Variants in PTPRD observed in about 807,000 individuals in gnomAD.
PTPRD encodes protein tyrosine phosphatase receptor type D.
In PTPRD, 34 loss-of-function variants were observed where a neutral mutation model predicts 214.5. The observed-to-expected ratio is 0.16, with a 90% CI of 0.12 to 0.21. The LOEUF is 0.21. Among genes scored for constraint, PTPRD ranks in the 10% least tolerant of loss-of-function variants. The pLI, the probability that PTPRD is intolerant of heterozygous loss-of-function variation, is 1.00. For synonymous variants in PTPRD, 1,128 were observed against 845.7 expected, an observed-to-expected ratio of 1.33 and a Z score of -5.79; for missense variants, 2,545 against 2,398.7, an observed-to-expected ratio of 1.06 and a Z score of -1.27.
rs148274176 is a variant in PTPRD, at chr9:9,772,006, C to T, written c.-367-5155G>A. 2.5e-3 allele frequency among the ~76,000 whole-genome samples: 376 copies of T among 152,168 alleles called. 4 individuals are homozygous for T. The highest frequency in any genetic ancestry group is 8.5e-3 in the African/African-American group (353 of 41,528). On this transcript the variant is annotated intron_variant, in intron 5 of 45. Transcript: ENST00000381196. Reference sequence around the variant, plus strand: ...GAAATTTCAACATATTGGTGTTATGCGCTGAATTGTGTCCCATAAAATTCC... The same window carrying T: ...GAAATTTCAACATATTGGTGTTATGTGCTGAATTGTGTCCCATAAAATTCC...
chr9:10,181,229 G>C (rs1453933368), intron 3 of PTPRD, among the ~76,000 whole-genome samples: 1 of 152,022 alleles, frequency 6.6e-6, no homozygotes, highest in Non-Finnish European at 1.5e-5. Context: ...TTTTATATGA[G>C]CAATTTTCAA....
intron 9 of PTPRD, among the ~76,000 whole-genome samples, chr9:9,235,686 T>C (rs748713992): frequency 3.3e-5 from 5 of 152,164 alleles, no homozygotes; most frequent in African/African-American, 4.8e-5. Context: ...AAAAGCCAGA[T>C]AAAAAAGGTC....
intron 10 of PTPRD, among the ~76,000 whole-genome samples, chr9:9,155,147 C>T (rs538640949): frequency 1.3e-5 from 2 of 152,150 alleles, no homozygotes; most frequent in South Asian, 4.1e-4. Flanking sequence ...TAGGCCTGCT[C>T]TAAGATGCAT....
chr9:9,867,802 T>C (rs906178140), intron 5 of PTPRD, among the ~76,000 whole-genome samples: 2 of 152,076 alleles, frequency 1.3e-5, no homozygotes, highest in Admixed American at 1.3e-4. Context: ...TCCTCCTCCA[T>C]GGTATAAAAG....
chr9:9,511,060 C>T (rs531711524), intron 8 of PTPRD, among the ~76,000 whole-genome samples: 2 of 151,824 alleles, frequency 1.3e-5, no homozygotes, highest in East Asian at 3.9e-4. Context: ...ACAATAGAAT[C>T]TATGAACAAA....
chr9:10,463,214 T>A (rs2098970852), intron 2 of PTPRD, among the ~76,000 whole-genome samples: 1 of 152,126 alleles, frequency 6.6e-6, no homozygotes, highest in African/African-American at 2.4e-5. Context: ...AACTTGTTTC[T>A]GGGTGCTAGG....
intron 3 of PTPRD, among the ~76,000 whole-genome samples, chr9:10,126,567 C>G (rs1321268286): frequency 1.3e-5 from 2 of 152,042 alleles, no homozygotes; most frequent in East Asian, 3.9e-4. Flanking sequence ...TGTTATAACT[C>G]AATAACTAGT....
intron 10 of PTPRD, among the ~76,000 whole-genome samples, chr9:9,033,581 T>C (rs1344765857): frequency 6.6e-6 from 1 of 152,136 alleles, no homozygotes; most frequent in East Asian, 1.9e-4. Flanking sequence ...TGGAAAATAC[T>C]AGAGATAGAT....
chr9:8,964,663 C>G (rs889959146), intron 11 of PTPRD, among the ~76,000 whole-genome samples: 1 of 151,904 alleles, frequency 6.6e-6, no homozygotes, highest in Non-Finnish European at 1.5e-5. Flanking sequence ...AATTTGAGAT[C>G]TCTCTGACTT....
At chr9:8,941,505 G>T (rs1352080566) in intron 11 of PTPRD, among the ~76,000 whole-genome samples, 2 of 152,108 alleles carry the variant, frequency 1.3e-5, no homozygotes, top group Non-Finnish European at 2.9e-5. Flanking sequence ...GTGAGACCTT[G>T]GGTAAGTAAC....
intron 9 of PTPRD, among the ~76,000 whole-genome samples, chr9:9,200,788 T>A (rs2099941380): frequency 6.6e-6 from 1 of 152,200 alleles, no homozygotes; most frequent in African/African-American, 2.4e-5. Flanking sequence ...GGAGTTCCTT[T>A]ATCTTTCTAA....
chr9:9,467,122 T>C (rs1435522764), intron 8 of PTPRD, among the ~76,000 whole-genome samples: 1 of 151,728 alleles, frequency 6.6e-6, no homozygotes, highest in Non-Finnish European at 1.5e-5. Context: ...GTTACTAAGA[T>C]AGAAGAGGAC....
chr9:9,133,576 A>G (rs2099846110), intron 10 of PTPRD, among the ~76,000 whole-genome samples: 1 of 152,186 alleles, frequency 6.6e-6, no homozygotes, highest in African/African-American at 2.4e-5. Context: ...GAGTTGTTAT[A>G]AAAAAACTCA....
intron 12 of PTPRD, among the ~76,000 whole-genome samples, chr9:8,659,764 A>C (rs940093949): frequency 2.0e-5 from 3 of 152,226 alleles, no homozygotes; most frequent in African/African-American, 7.2e-5. Flanking sequence ...GAAGGATTCC[A>C]AATTTAAAAA....
At chr9:9,928,252 C>T (rs2085051107) in intron 5 of PTPRD, among the ~76,000 whole-genome samples, 1 of 152,110 alleles carries the variant, frequency 6.6e-6, no homozygotes, top group Non-Finnish European at 1.5e-5. Flanking sequence ...GAATTAATTT[C>T]CAGATCAATG....
intron 2 of PTPRD, among the ~76,000 whole-genome samples, chr9:10,555,075 C>G (rs2062204541): frequency 2.0e-5 from 3 of 152,188 alleles, no homozygotes; most frequent in Admixed American, 6.5e-5. Context: ...ATTTATTTGA[C>G]TGGTCCAGCT....
chr9:9,853,480 G>A (rs926305515), intron 5 of PTPRD, among the ~76,000 whole-genome samples: 4 of 152,036 alleles, frequency 2.6e-5, no homozygotes, highest in Admixed American at 2.6e-4. Flanking sequence ...ACAGTGATTC[G>A]GTTCTTAGTG....
chr9:8,730,862 G>A (rs1017618448), intron 12 of PTPRD, among the ~76,000 whole-genome samples: 37 of 152,168 alleles, frequency 2.4e-4, no homozygotes, highest in Admixed American at 9.2e-4. Context: ...AGTCGCATAT[G>A]CCCTTCCCTG....
intron 3 of PTPRD, among the ~76,000 whole-genome samples, chr9:10,234,592 G>A (rs1210574005): frequency 1.3e-5 from 2 of 151,134 alleles, no homozygotes; most frequent in African/African-American, 2.4e-5. Context: ...AATTATTCAA[G>A]AAATTCGAGT....
Sources: gnomAD v4.1 joint callset for allele counts (sites outside exome capture counted in the v4.1 genomes callset) on GRCh38, gnomAD v4.1.1 for gene constraint, MANE v1.5 for transcripts, NCBI Gene and HGNC (gene_info 2026-07-23, HGNC 2026-07-21) for gene names.